The following SDCCAG8 variants were observed in gnomAD, a reference collection of about 807,000 sequenced individuals.
The protein encoded by SDCCAG8 is serologically defined colon cancer antigen 8.
SDCCAG8 carries 74 observed loss-of-function variants against 101.8 expected under a neutral mutation model. The observed-to-expected ratio is 0.73, with a 90% CI of 0.60 to 0.88. SDCCAG8 has a LOEUF of 0.88. SDCCAG8 is among the 40% of genes least tolerant of loss of function. The probability of loss-of-function intolerance (pLI) is 0.00; values close to 1 mark genes in which losing one functional copy is unlikely to be tolerated. For synonymous variants in SDCCAG8, 281 were observed against 292.9 expected (o/e 0.96, Z 0.41); for missense variants, 787 against 822.6 (o/e 0.96, Z 0.53).
rs1216370117 is a variant in SDCCAG8 at position 243,443,044 on chromosome 1, AAG to A, written c.1985+16490_1985+16491del. 5.9e-5 allele frequency among the ~76,000 whole-genome samples: 9 copies of A among 152,346 alleles called. No individual in the cohort carries two copies. The East Asian group carries it at 1.7e-3, about 29-fold the overall frequency. ...AAAGAGGGACACTTATTTTGATGCA[AAG>A]AGATGTTTTTCTAGTCTGCATTAAA... On this transcript the variant is annotated intron_variant, in intron 16 of 17. Transcript: ENST00000366541.
At chr1:243,323,142 A>G (rs1021611454) in intron 9 of SDCCAG8, among the ~76,000 whole-genome samples, 3 of 151,994 alleles carry the variant, frequency 2.0e-5, no homozygotes, top group Non-Finnish European at 4.4e-5. Flanking sequence ...TTAAAAAAAA[A>G]AAAAAGCCAC....
At chr1:243,267,060 C>T (rs561059868) in intron 1 of SDCCAG8, among the ~76,000 whole-genome samples, 3 of 151,646 alleles carry the variant, frequency 2.0e-5, no homozygotes, top group Non-Finnish European at 2.9e-5. Flanking sequence ...CTCGCTAACA[C>T]GGTGAAACCC....
At chr1:243,291,764 A>G (rs1489191903) in intron 5 of SDCCAG8, among the ~76,000 whole-genome samples, 6 of 152,124 alleles carry the variant, frequency 3.9e-5, no homozygotes, top group Admixed American at 3.3e-4. Context: ...CAGTGATTCA[A>G]TTCAATTCTG....
At chr1:243,385,631 C>A (rs953235233) in intron 13 of SDCCAG8, among the ~76,000 whole-genome samples, 2 of 152,056 alleles carry the variant, frequency 1.3e-5, no homozygotes, top group Admixed American at 6.5e-5. Flanking sequence ...GTACACACAG[C>A]GATCAAACAG....
At chr1:243,378,252 C>G (rs536107600) in intron 12 of SDCCAG8, among the ~76,000 whole-genome samples, 3 of 150,828 alleles carry the variant, frequency 2.0e-5, no homozygotes, top group African/African-American at 7.3e-5. Flanking sequence ...TCACATTTTT[C>G]GAAAATCTCT....
intron 16 of SDCCAG8, among the ~76,000 whole-genome samples, chr1:243,429,977 A>C (rs774758722): frequency 6.6e-6 from 1 of 151,992 alleles, no homozygotes; most frequent in Non-Finnish European, 1.5e-5. Flanking sequence ...GATTACAGGC[A>C]TGAGCCACCA....
intron 16 of SDCCAG8, chr1:243,476,323 A>C (rs1662407663): frequency 1.0e-6 from 1 of 985,338 alleles, no homozygotes; most frequent in Admixed American, 6.1e-5. Flanking sequence ...AGTTGTTATC[A>C]AATTACTTGC....
chr1:243,417,883 G>A, intron 14 of SDCCAG8, 85 bp from the exon 15 acceptor site: 1 of 951,926 alleles, frequency 1.1e-6, no homozygotes, highest in South Asian at 1.3e-5. Flanking sequence ...AGGGGTCTAA[G>A]CACTTTACCA....
intron 6 of SDCCAG8, among the ~76,000 whole-genome samples, chr1:243,298,293 C>T (rs544915972): frequency 1.3e-5 from 2 of 151,546 alleles, no homozygotes; most frequent in South Asian, 2.1e-4. Flanking sequence ...TCAGGCAATC[C>T]GCCCGCTTTG....
At chr1:243,438,855 A>G (rs2082333420) in intron 16 of SDCCAG8, among the ~76,000 whole-genome samples, 3 of 152,138 alleles carry the variant, frequency 2.0e-5, no homozygotes, top group Admixed American at 2.0e-4. Context: ...CATTTTCACC[A>G]GTGATTTTGC....
rs188583581 is a variant in SDCCAG8, at chr1:243,445,183, C to G, written c.1985+18625C>G. Among the ~76,000 whole-genome samples, 6 of 152,190 alleles carry G rather than the reference C, an allele frequency of 3.9e-5. No individual in the cohort carries two copies. The East Asian group carries it at 1.2e-3, about 29-fold the overall frequency. On this transcript the variant is annotated intron_variant, in intron 16 of 17. Coordinates refer to ENST00000366541, the MANE Select transcript of SDCCAG8 (RefSeq NM_006642.5). ...AAGGAGCTCTGCCTGTCTTATATGA[C>G]CCGAGTTATGTAGAATGGCATTTTA...
intron 1 of SDCCAG8, among the ~76,000 whole-genome samples, chr1:243,257,269 T>C (rs1230370112): frequency 6.6e-6 from 1 of 152,244 alleles, no homozygotes; most frequent in East Asian, 1.9e-4. Flanking sequence ...TCTATTCTGT[T>C]GCATTTTCAT....
chr1:243,317,248 T>C (rs2073334614), intron 9 of SDCCAG8, among the ~76,000 whole-genome samples: 1 of 152,190 alleles, frequency 6.6e-6, no homozygotes, highest in East Asian at 1.9e-4. Context: ...CAAATGTTTT[T>C]CCTCAATAAT....
At chr1:243,265,813 CAAA>C (rs1044991242) in intron 1 of SDCCAG8, among the ~76,000 whole-genome samples, 1 of 107,718 alleles carries the variant, frequency 9.3e-6, no homozygotes, top group Admixed American at 9.7e-5. Context: ...ACTTCGTCTC[CAAA>C]AAAAAAAAAA....
chr1:243,351,993 C>A (rs2076107322), intron 12 of SDCCAG8, among the ~76,000 whole-genome samples: 1 of 152,170 alleles, frequency 6.6e-6, no homozygotes, highest in African/African-American at 2.4e-5. Context: ...ATGATTTAGG[C>A]AGTTGTTTTC....
chr1:243,308,142 T>C lies in SDCCAG8; in HGVS notation c.894T>C (p.Thr298=), dbSNP rs963205260. 2 of 1,614,090 alleles carry C rather than the reference T, an allele frequency of 1.2e-6. No homozygotes were observed. The highest frequency in any genetic ancestry group is 4.5e-5 in the East Asian group (2 of 44,886). Residue 298 remains threonine, a synonymous_variant, in exon 8 of 18, where the codon ACT becomes ACC. Coordinates refer to ENST00000366541, the MANE Select transcript of SDCCAG8 (RefSeq NM_006642.5). The stretch of plus-strand genomic sequence containing the variant: ...AAGCTGTTCTTTCCCAAACCCATAC[T>C]AATGTTCATATGCAGACCATCGAAA... ...QHEAVLSQTH[T]NVHMQTIERL...
chr1:243,287,117 C>G (rs2069699343), intron 5 of SDCCAG8, among the ~76,000 whole-genome samples: 1 of 152,172 alleles, frequency 6.6e-6, no homozygotes, highest in Non-Finnish European at 1.5e-5. Context: ...CTCTATAATT[C>G]TGTGACAGAG....
chr1:243,340,915 C>T, intron 10 of SDCCAG8, 124 bp from the exon 11 acceptor site: 1 of 958,188 alleles, frequency 1.0e-6, no homozygotes, highest in South Asian at 1.4e-5. Flanking sequence ...TGAACATACC[C>T]AATCCACAGA....
At position 243,403,668 on chromosome 1, in the gene SDCCAG8, G is replaced by A. The variant is rs571459067; in HGVS notation, c.1617-12034G>A. Among the ~76,000 whole-genome samples, 8 of 152,162 alleles carry A rather than the reference G, an allele frequency of 5.3e-5. No homozygotes were observed. In the South Asian group the frequency reaches 6.2e-4, roughly 12 times the overall value. ...ATTGGATTCCCATGGGGCGCTAACCGTATTGTAAACTGCGCATGTGAGGGA... is the reference window on the plus strand; with the variant it reads ...ATTGGATTCCCATGGGGCGCTAACCATATTGTAAACTGCGCATGTGAGGGA... On this transcript the variant is annotated intron_variant, in intron 13 of 17. Transcript: ENST00000366541.
Sources: gnomAD v4.1 joint callset for allele counts (sites outside exome capture counted in the v4.1 genomes callset) on GRCh38, gnomAD v4.1.1 for gene constraint, MANE v1.5 for transcripts, NCBI Gene and HGNC (gene_info 2026-07-23, HGNC 2026-07-21) for gene names.